The following ACTN4 variants were observed in gnomAD, a reference collection of about 807,000 sequenced individuals.
ACTN4 encodes actinin alpha 4.
ACTN4 carries 18 observed loss-of-function variants against 114.2 expected under a neutral mutation model. That is an observed-to-expected ratio of 0.16 (90% confidence interval 0.11 to 0.23). The LOEUF (loss-of-function observed/expected upper bound fraction) is 0.23, where lower values mean the gene tolerates loss of function less well. Ranked by LOEUF, ACTN4 falls within the 10% of genes least tolerant of loss-of-function variation. The pLI is 1.00. For synonymous variants in ACTN4, 515 were observed against 506.3 expected (o/e 1.02, Z -0.23); for missense variants, 722 against 1,262.9 (o/e 0.57, Z 6.49).
chr19:38,657,632 T>C (rs1275050911), intron 1 of ACTN4, among the ~76,000 whole-genome samples: 1 of 152,140 alleles, frequency 6.6e-6, no homozygotes, highest in Non-Finnish European at 1.5e-5. Context: ...GATGCATTTC[T>C]TTTTTCTTTC....
At chr19:38,714,381 C>A in intron 8 of ACTN4, 88 bp from the exon 9 acceptor site, 1 of 1,225,522 alleles carries the variant, frequency 8.2e-7, no homozygotes, top group Non-Finnish European at 1.2e-6. Flanking sequence ...GTTCCGTGGG[C>A]CATGGACCAG....
chr19:38,687,116 A>G (rs1967771807), intron 1 of ACTN4, among the ~76,000 whole-genome samples: 1 of 151,898 alleles, frequency 6.6e-6, no homozygotes, highest in Non-Finnish European at 1.5e-5. Flanking sequence ...GGCGTGTGCC[A>G]CCACGTCTGG....
At chr19:38,708,253 C>G (rs1599832831) in intron 6 of ACTN4, 58 bp downstream of exon 6, 1 of 1,557,002 alleles carries the variant, frequency 6.4e-7, no homozygotes, top group Admixed American at 1.7e-5. Context: ...GACCCCCTAA[C>G]TCCGGGTCAC....
At chr19:38,657,487 C>G (rs1331806556) in intron 1 of ACTN4, among the ~76,000 whole-genome samples, 1 of 152,108 alleles carries the variant, frequency 6.6e-6, no homozygotes, top group Non-Finnish European at 1.5e-5. Context: ...CTATGTTGCC[C>G]AGGCTTTTAA....
Position 38,721,562 on chromosome 19 carries a change from G to A in ACTN4, c.1316G>A (p.Arg439Gln), listed in dbSNP as rs376694630. 19 of 1,613,890 alleles carry A rather than the reference G, an allele frequency of 1.2e-5. No individual in the cohort carries two copies. The highest frequency in any genetic ancestry group is 3.3e-4 in the Middle Eastern group (2 of 6,084). The change falls in exon 12 of 21, where the codon CGG (arginine) becomes CAG (glutamine). Residue 439 changes from arginine to glutamine, a missense_variant. By Grantham distance (43) the Arg-to-Gln change is conservative (BLOSUM62 1). Transcript: ENST00000252699. ...GGGAAGGAAGCCATGCTGAAGCACC[G>A]GGACTACGAGACGGCCACACTATCG... ...TDGKEAMLKHRDYETATLSDI... is the reference protein window; with the variant it reads ...TDGKEAMLKHQDYETATLSDI...
Position 38,724,378 on chromosome 19 carries a change from C to G in ACTN4, c.1875+39C>G. The G allele has an allele frequency of 1.2e-6, 2 of 1,611,432 alleles. No homozygotes were observed. Among genetic ancestry groups the G allele is most frequent in the African/African-American group, 1.3e-5 (1 of 74,986 alleles). ...ATCCGTAGGGGCTGGGGCAGGACGG[C>G]GGGGCTGGGGGCCACCTCCCTGACC... On this transcript the variant is annotated intron_variant, in intron 15 of 20. Coordinates refer to ENST00000252699, the MANE Select transcript of ACTN4 (RefSeq NM_004924.6). This position sits in a 1 kb window ranked among gnomAD's most constrained non-coding sequence, Gnocchi z 7.0.
At chr19:38,719,300 C>T (rs979986342) in intron 11 of ACTN4, among the ~76,000 whole-genome samples, 3 of 152,374 alleles carry the variant, frequency 2.0e-5, no homozygotes, top group East Asian at 1.9e-4. Context: ...GCCGCCACTC[C>T]GCCCAGCTGA....
intron 1 of ACTN4, among the ~76,000 whole-genome samples, chr19:38,670,782 G>A (rs1224851748): frequency 6.6e-6 from 1 of 152,090 alleles, no homozygotes; most frequent in Non-Finnish European, 1.5e-5. Flanking sequence ...AATTAGCTGA[G>A]CGTGGTGGCT....
At position 38,729,042 on chromosome 19, in the gene ACTN4, A is replaced by G. The variant is rs1969373273; in HGVS notation, c.2465A>G (p.His822Arg). Residue 822 changes from histidine to arginine, a missense_variant, in exon 20 of 21, where the codon CAT (histidine) becomes CGT (arginine). Around this residue, in one of 3 missense-constraint regions of ACTN4, gnomAD observed 523 missense variants for 875.9 expected, o/e 0.60. Transcript: ENST00000252699. ...NRIMSLVDPN[H>R]SGLVTFQAFI... ...ATCATGAGCCTGGTCGACCCCAACC[A>G]TAGCGGCCTTGTGACCTTCCAAGCC... is the stretch of plus-strand genomic sequence containing the variant. 3 of 1,613,442 alleles carry G rather than the reference A, an allele frequency of 1.9e-6. No homozygotes were observed. Among genetic ancestry groups the G allele is most frequent in the Middle Eastern group, 1.7e-4 (1 of 6,060 alleles).
At chr19:38,728,508 C>T (rs1040070312) in intron 19 of ACTN4, 18 of 674,462 alleles carry the variant, frequency 2.7e-5, no homozygotes, top group South Asian at 8.2e-5. Flanking sequence ...GACACTCCTC[C>T]GCCCGAGCAG....
chr19:38,729,590 C>G lies in ACTN4; in HGVS notation c.*158C>G. 2 of 1,072,780 alleles carry G rather than the reference C, an allele frequency of 1.9e-6. No individual in the cohort carries two copies. The highest frequency in any genetic ancestry group is 2.7e-5 in the South Asian group (2 of 74,132). The allele number at this position is 1,072,780 out of a possible 1,614,324, so 66.5% of individuals were successfully genotyped here. A position where few individuals can be genotyped will look rare whatever the true frequency, so the allele number is the denominator to read the frequency against. ...GAGGGGCTGGGGCAGGCTCTCTCCT[C>G]TCTCTCTTTGTGGGTTGGCCAGGAG... On this transcript the variant is annotated 3_prime_UTR_variant, in exon 21 of 21. Transcript: ENST00000252699.
intron 1 of ACTN4, among the ~76,000 whole-genome samples, chr19:38,659,012 T>A (rs1052723307): frequency 2.0e-5 from 3 of 152,024 alleles, no homozygotes; most frequent in Admixed American, 6.6e-5. Context: ...CTTGGCCATT[T>A]TTTGAACTAA....
chr19:38,723,245 T>G (rs1397571677), intron 12 of ACTN4, among the ~76,000 whole-genome samples: 2 of 152,274 alleles, frequency 1.3e-5, no homozygotes, highest in Non-Finnish European at 2.9e-5. Flanking sequence ...CCCCATGTCC[T>G]GTTCCTCCCC....
chr19:38,694,417 G>A (rs1454993318), intron 1 of ACTN4, among the ~76,000 whole-genome samples: 12 of 151,950 alleles, frequency 7.9e-5, no homozygotes, highest in African/African-American at 2.7e-4. Context: ...CCGCCACCAC[G>A]CCCAGGTAAT....
chr19:38,664,155 G>T (rs1158496279), intron 1 of ACTN4, among the ~76,000 whole-genome samples: 1 of 152,214 alleles, frequency 6.6e-6, no homozygotes, highest in African/African-American at 2.4e-5. Context: ...TGGCCTAGGA[G>T]TGTGCTGCCT....
intron 1 of ACTN4, among the ~76,000 whole-genome samples, chr19:38,657,146 A>AT (rs60937573): frequency 3.2e-3 from 432 of 133,776 alleles, no homozygotes; most frequent in African/African-American, 4.1e-3. Flanking sequence ...GCTAATTTTA[A>AT]TTTTTTTTTT....
chr19:38,715,782 A>G (rs749844333), intron 9 of ACTN4, among the ~76,000 whole-genome samples: 1 of 152,186 alleles, frequency 6.6e-6, no homozygotes, highest in African/African-American at 2.4e-5. Flanking sequence ...ACGCCTCACA[A>G]TGTATCCACA....
rs751639072 is a variant in ACTN4, at chr19:38,724,245, C to T, written c.1781C>T (p.Ala594Val). Residue 594 changes from alanine (A) to valine (V), a missense_variant, in exon 15 of 21, where the codon GCC (alanine) becomes GTC (valine). Ala to Val is a moderately conservative substitution (Grantham distance 64, BLOSUM62 0). Transcript: ENST00000252699. The surrounding 1 kb of genome is among the most constrained non-coding windows in gnomAD (Gnocchi z 7.0). ...REAILAIHKE[A>V]QRIAESNHIK... The stretch of plus-strand genomic sequence containing the variant: ...GCCATCCTGGCCATCCACAAGGAGG[C>T]CCAGAGGATCGCTGAGAGCAACCAC... 4.3e-6 allele frequency: 7 copies of T among 1,613,864 alleles called. No individual in the cohort carries two copies. The highest frequency in any genetic ancestry group is 8.5e-7 in the Non-Finnish European group (1 of 1,180,032).
intron 1 of ACTN4, chr19:38,648,252 G>T (rs1257275316): frequency 2.8e-5 from 6 of 214,526 alleles, no homozygotes; most frequent in African/African-American, 1.2e-4. Context: ...TCCGAGGCGG[G>T]CTTGAAGGGT....
Sources: gnomAD v4.1 joint callset for allele counts (sites outside exome capture counted in the v4.1 genomes callset) on GRCh38, gnomAD v4.1.1 for gene constraint, gnomAD v4.1.1 regional missense constraint, Gnocchi (gnomAD v3.1) non-coding constraint, MANE v1.5 for transcripts, NCBI Gene and HGNC (gene_info 2026-07-23, HGNC 2026-07-21) for gene names.